GPC6: variants seen among roughly 807,000 people sequenced by gnomAD.
GPC6 encodes glypican-6.
In GPC6, 14 loss-of-function variants were observed where a neutral mutation model predicts 55.2. That is an observed-to-expected ratio of 0.25 (90% CI 0.17 to 0.40). The LOEUF (loss-of-function observed/expected upper bound fraction) is 0.40. Ranked by LOEUF, GPC6 falls within the 10% of genes least tolerant of loss-of-function variation. The pLI, the probability that GPC6 is intolerant of heterozygous loss-of-function variation, is 1.00. For synonymous variants in GPC6, 278 were observed against 259.6 expected (o/e 1.07, Z -0.68); for missense variants, 641 against 708.5 (o/e 0.90, Z 1.08).
At chr13:93,922,048 A>G (rs2140346167) in intron 3 of GPC6, among the ~76,000 whole-genome samples, 1 of 152,328 alleles carries the variant, frequency 6.6e-6, no homozygotes, top group East Asian at 1.9e-4. Context: ...AATATTTTGA[A>G]CTTGCATATT....
chr13:93,786,403 A>T (rs947668284), intron 2 of GPC6, among the ~76,000 whole-genome samples: 1 of 152,184 alleles, frequency 6.6e-6, no homozygotes, highest in African/African-American at 2.4e-5. Flanking sequence ...TATTATGACT[A>T]TCGTTTTATT....
At chr13:93,476,988 C>T (rs1879324569) in intron 1 of GPC6, among the ~76,000 whole-genome samples, 1 of 152,024 alleles carries the variant, frequency 6.6e-6, no homozygotes, top group Admixed American at 6.6e-5. Flanking sequence ...AATCCACTTT[C>T]TAAATGAGCT....
intron 1 of GPC6, among the ~76,000 whole-genome samples, chr13:93,471,624 T>C (rs1215153883): frequency 1.3e-5 from 2 of 152,226 alleles, no homozygotes; most frequent in African/African-American, 4.8e-5. Flanking sequence ...CTCTTGAAAT[T>C]TTCTTTTTGA....
Position 93,761,655 on chromosome 13 carries a change from C to A in GPC6, c.320-68499C>A, listed in dbSNP as rs145728042. On this transcript the variant is annotated intron_variant, in intron 2 of 8. Coordinates refer to ENST00000377047, the MANE Select transcript of GPC6 (RefSeq NM_005708.5). ...CCTCAGCTAGGACTACAGGCATGCA[C>A]CACCACACCGGGCTAATTTTTTAAA... Among the ~76,000 whole-genome samples, 666 of 152,182 alleles carry A rather than the reference C, an allele frequency of 4.4e-3. 7 individuals are homozygous for A. The highest frequency in any genetic ancestry group is 0.015 in the African/African-American group (622 of 41,504).
intron 2 of GPC6, among the ~76,000 whole-genome samples, chr13:93,761,297 C>T (rs1378295919): frequency 1.3e-5 from 2 of 152,128 alleles, no homozygotes; most frequent in African/African-American, 2.4e-5. Context: ...GGAGGGATTG[C>T]ACTCTGCTAT....
At chr13:93,635,140 C>G (rs1879638729) in intron 2 of GPC6, among the ~76,000 whole-genome samples, 1 of 145,640 alleles carries the variant, frequency 6.9e-6, no homozygotes, top group South Asian at 2.2e-4. Context: ...CATAATACAG[C>G]TTTTTTTTTT....
At chr13:93,320,788 C>A (rs974686489) in intron 1 of GPC6, among the ~76,000 whole-genome samples, 3 of 152,070 alleles carry the variant, frequency 2.0e-5, no homozygotes, top group Admixed American at 1.3e-4. Flanking sequence ...ACTTTCTTTT[C>A]TGTTCAACTA....
chr13:94,014,633 A>T (rs943512578), intron 3 of GPC6, among the ~76,000 whole-genome samples: 2 of 152,066 alleles, frequency 1.3e-5, no homozygotes, highest in African/African-American at 2.4e-5. Flanking sequence ...CATTTTTGTC[A>T]CACAAAAAGA....
intron 1 of GPC6, among the ~76,000 whole-genome samples, chr13:93,514,779 A>T (rs1209431804): frequency 6.6e-6 from 1 of 152,196 alleles, no homozygotes; most frequent in African/African-American, 2.4e-5. Flanking sequence ...GTTAGCCTGA[A>T]TTATTGAGTG....
At chr13:93,678,407 A>C (rs1008162170) in intron 2 of GPC6, among the ~76,000 whole-genome samples, 3 of 152,196 alleles carry the variant, frequency 2.0e-5, no homozygotes, top group Admixed American at 6.6e-5. Flanking sequence ...CTATAGTTGT[A>C]GGATAAATTC....
intron 6 of GPC6, among the ~76,000 whole-genome samples, chr13:94,341,102 A>G (rs1412640092): frequency 1.3e-4 from 20 of 152,240 alleles, no homozygotes; most frequent in Admixed American, 1.3e-3. Flanking sequence ...ATAAAATAAT[A>G]GCTAATAGCT....
intron 1 of GPC6, among the ~76,000 whole-genome samples, chr13:93,407,400 A>C (rs996669395): frequency 6.6e-6 from 1 of 152,138 alleles, no homozygotes; most frequent in African/African-American, 2.4e-5. Context: ...GGGTAAAAAA[A>C]AACACCAACT....
intron 1 of GPC6, among the ~76,000 whole-genome samples, chr13:93,267,393 G>T (rs1594061933): frequency 6.8e-6 from 1 of 147,404 alleles, no homozygotes; most frequent in Non-Finnish European, 1.5e-5. Context: ...ACAGGAGAGG[G>T]TTTTTTTTTT....
chr13:93,328,752 T>G (rs952956106), intron 1 of GPC6, among the ~76,000 whole-genome samples: 2 of 152,056 alleles, frequency 1.3e-5, no homozygotes, highest in African/African-American at 4.8e-5. Context: ...AGCGAGAATC[T>G]ATGAACTATT....
intron 4 of GPC6, among the ~76,000 whole-genome samples, chr13:94,254,518 CATACTT>C (rs995621397): frequency 6.6e-6 from 1 of 151,982 alleles, no homozygotes; most frequent in African/African-American, 2.4e-5. Context: ...GTGCTACAAA[CATACTT>C]AATATAATGA....
chr13:93,393,107 G>GATATATATATAT (rs374414019), intron 1 of GPC6, among the ~76,000 whole-genome samples: 106 of 114,738 alleles, frequency 9.2e-4, no homozygotes, highest in East Asian at 3.9e-3. Flanking sequence ...ATGTATATTT[G>GATATATATATAT]ATATATATAT....
At chr13:94,288,862 ATATAT>A (rs1437930625) in intron 5 of GPC6, among the ~76,000 whole-genome samples, 9 of 122,050 alleles carry the variant, frequency 7.4e-5, no homozygotes, top group African/African-American at 2.9e-4. Flanking sequence ...TAATAAATAT[ATATAT>A]TTGTTATATA....
At chr13:93,774,012 T>G (rs1359810582) in intron 2 of GPC6, among the ~76,000 whole-genome samples, 2 of 152,202 alleles carry the variant, frequency 1.3e-5, no homozygotes, top group Admixed American at 1.3e-4. Context: ...TTGGCTTAGA[T>G]GCCTCATGCC....
intron 3 of GPC6, among the ~76,000 whole-genome samples, chr13:93,903,728 G>A (rs1460415680): frequency 6.6e-6 from 1 of 151,974 alleles, no homozygotes; most frequent in Non-Finnish European, 1.5e-5. Context: ...ACAGAGGTTG[G>A]GACCTAAGAA....
Sources: gnomAD v4.1 joint callset for allele counts (sites outside exome capture counted in the v4.1 genomes callset) on GRCh38, gnomAD v4.1.1 for gene constraint, MANE v1.5 for transcripts, NCBI Gene and HGNC (gene_info 2026-07-23, HGNC 2026-07-21) for gene names.